The following C12orf42 variants were observed in gnomAD, a reference collection of about 807,000 sequenced individuals.
C12orf42 encodes chromosome 12 open reading frame 42.
In C12orf42, 25 loss-of-function variants were observed where a neutral mutation model predicts 21.6. The ratio of observed to expected loss-of-function variants is 1.16; its 90% confidence interval spans 0.84 to 1.62. The LOEUF is 1.62. Among genes scored for constraint, C12orf42 ranks in the 40% most tolerant of loss-of-function variants. The pLI is 0.00. For synonymous variants in C12orf42, 174 were observed against 175.0 expected (o/e 0.99, Z 0.05); for missense variants, 483 against 459.3 (o/e 1.05, Z -0.47).
intron 4 of C12orf42, among the ~76,000 whole-genome samples, chr12:103,368,362 AG>A (rs1261992547): frequency 6.7e-6 from 1 of 149,724 alleles, no homozygotes; most frequent in African/African-American, 2.5e-5. Context: ...GTGTAATTTA[AG>A]TGCAGCTGTC....
chr12:103,288,762 G>T (rs181032341), intron 4 of C12orf42, among the ~76,000 whole-genome samples: 17 of 152,200 alleles, frequency 1.1e-4, no homozygotes, highest in African/African-American at 4.1e-4. Flanking sequence ...GGTTCTGAAT[G>T]ATGGATAAAC....
chr12:103,366,522 C>G (rs772700846), intron 4 of C12orf42, among the ~76,000 whole-genome samples: 15 of 151,992 alleles, frequency 9.9e-5, no homozygotes, highest in Non-Finnish European at 1.6e-4. Flanking sequence ...GCAGAGTAAA[C>G]AGACAACCCA....
At chr12:103,180,239 C>G in the C12orf42 span, among the ~76,000 whole-genome samples, 4 of 151,884 alleles carry the variant, frequency 2.6e-5, no homozygotes, top group Admixed American at 2.6e-4. Context: ...CAAACACATA[C>G]CTATATATCT....
the C12orf42 span, among the ~76,000 whole-genome samples, chr12:103,117,056 CCTT>C: frequency 2.6e-5 from 4 of 152,188 alleles, no homozygotes; most frequent in African/African-American, 9.6e-5. Context: ...TCAGTATCCT[CCTT>C]CTAGCTATTT....
chr12:103,210,556 T>G, the C12orf42 span, among the ~76,000 whole-genome samples: 403 of 151,604 alleles, frequency 2.7e-3, 1 homozygote, highest in African/African-American at 9.4e-3. Flanking sequence ...TTTGCCTCTT[T>G]TATGGGCTAT....
At chr12:103,396,375 C>A (rs1353949298) in intron 3 of C12orf42, 1 of 152,240 alleles carries the variant, frequency 6.6e-6, no homozygotes, top group African/African-American at 2.4e-5. Context: ...CCCAGCCATG[C>A]AGAACTGTCA....
At chr12:103,083,215 T>C in the C12orf42 span, among the ~76,000 whole-genome samples, 1 of 151,982 alleles carries the variant, frequency 6.6e-6, no homozygotes, top group Non-Finnish European at 1.5e-5. Flanking sequence ...AATACAAAAA[T>C]TAGCCAGACA....
intron 1 of C12orf42, among the ~76,000 whole-genome samples, chr12:103,485,237 C>T (rs1029742733): frequency 7.2e-5 from 11 of 152,202 alleles, no homozygotes; most frequent in Middle Eastern, 3.4e-3. Flanking sequence ...GAATACTTTC[C>T]CCATTTCTTG....
intron 5 of C12orf42, among the ~76,000 whole-genome samples, chr12:103,276,726 T>C (rs1040301565): frequency 1.3e-5 from 2 of 152,212 alleles, no homozygotes; most frequent in Admixed American, 1.3e-4. Flanking sequence ...TGATTTATTA[T>C]CATAACGTAA....
chr12:103,437,738 G>A (rs1399099243), intron 2 of C12orf42, among the ~76,000 whole-genome samples: 4 of 148,302 alleles, frequency 2.7e-5, no homozygotes, highest in South Asian at 2.2e-4. Flanking sequence ...ACCAATAACA[G>A]GATCTGAAAT....
At chr12:103,360,456 T>C (rs2043995624) in intron 4 of C12orf42, among the ~76,000 whole-genome samples, 1 of 151,970 alleles carries the variant, frequency 6.6e-6, no homozygotes, top group Non-Finnish European at 1.5e-5. Context: ...GCCTAATGGC[T>C]TCATGTCTCC....
At chr12:103,341,320 A>C (rs1470386400) in intron 4 of C12orf42, among the ~76,000 whole-genome samples, 3 of 152,054 alleles carry the variant, frequency 2.0e-5, no homozygotes, top group Non-Finnish European at 2.9e-5. Flanking sequence ...GCACCTGTGA[A>C]TAGCTACTAT....
At chr12:103,269,969 C>T (rs2035364077) in intron 5 of C12orf42, 1 of 152,086 alleles carries the variant, frequency 6.6e-6, no homozygotes, top group Non-Finnish European at 1.5e-5. Context: ...GTGTCTAGAA[C>T]TCAGGATGAA....
At chr12:103,054,975 A>G in the C12orf42 span, among the ~76,000 whole-genome samples, 1 of 151,620 alleles carries the variant, frequency 6.6e-6, no homozygotes, top group Admixed American at 6.6e-5. Flanking sequence ...ATTTGTTTAT[A>G]TTTTCTTGAA....
At chr12:103,349,593 T>C (rs2042935413) in intron 4 of C12orf42, among the ~76,000 whole-genome samples, 1 of 152,136 alleles carries the variant, frequency 6.6e-6, no homozygotes, top group Admixed American at 6.6e-5. Flanking sequence ...CTCTTTTTTT[T>C]CATAAAGAAA....
chr12:103,302,318 G>C lies in C12orf42; in HGVS notation c.873C>G (p.Thr291=), dbSNP rs746931629. Residue 291 remains threonine (T), a synonymous_variant, in exon 6 of 6, where the codon ACC becomes ACG. Coordinates refer to ENST00000548883, the MANE Select transcript of C12orf42 (RefSeq NM_198521.5). ...CCGCCTGAGGCCTCCTGTCCCGCGG[G>C]GTATGAGGATGCTTGGGGAGCATCT... ...APEMLPKHPH[T]PRDRRPQADT... 2 of 1,613,816 alleles carry C rather than the reference G, an allele frequency of 1.2e-6. No individual in the cohort carries two copies. Among genetic ancestry groups the C allele is most frequent in the African/African-American group, 2.7e-5 (2 of 74,918 alleles).
intron 4 of C12orf42, among the ~76,000 whole-genome samples, chr12:103,284,331 A>G (rs549742706): frequency 3.3e-4 from 50 of 152,134 alleles, no homozygotes; most frequent in South Asian, 2.3e-3. Flanking sequence ...ATTGTTGGGG[A>G]AAAAAAAGCA....
the C12orf42 span, among the ~76,000 whole-genome samples, chr12:103,510,579 T>C: frequency 2.0e-5 from 3 of 152,182 alleles, no homozygotes; most frequent in African/African-American, 7.2e-5. Context: ...CTTTCAGACT[T>C]GGACTTTTAG....
chr12:103,513,963 T>C, the C12orf42 span, among the ~76,000 whole-genome samples: 2 of 152,348 alleles, frequency 1.3e-5, no homozygotes, highest in South Asian at 2.1e-4. Flanking sequence ...CATTCTCATG[T>C]TGTGAATAAA....
Sources: gnomAD v4.1 joint callset for allele counts (sites outside exome capture counted in the v4.1 genomes callset) on GRCh38, gnomAD v4.1.1 for gene constraint, MANE v1.5 for transcripts, NCBI Gene and HGNC (gene_info 2026-07-23, HGNC 2026-07-21) for gene names.